Variants in ZFY observed in about 807,000 individuals in gnomAD.
The protein encoded by ZFY is zinc finger protein Y-linked.
For synonymous variants in ZFY, 47 were observed against 55.8 expected, an observed-to-expected ratio of 0.84 and a Z score of 0.71; for missense variants, 113 against 170.9, an observed-to-expected ratio of 0.66 and a Z score of 1.89.
At chrY:2,974,822 C>T (rs2051360758) in intron 3 of ZFY, among the ~76,000 whole-genome samples, 1 of 33,384 alleles carries the variant, frequency 3.0e-5, no homozygotes, top group African/African-American at 1.2e-4. Flanking sequence ...TGGTGGCATA[C>T]GCCTTTTGTC....
chrY:2,937,488 CAAAAAA>C (rs780590951), intron 1 of ZFY, among the ~76,000 whole-genome samples: 3 of 5,347 alleles, frequency 5.6e-4, no homozygotes, highest in Non-Finnish European at 7.9e-4. Flanking sequence ...GAGTCTGTCT[CAAAAAA>C]AAAAAAAAAA....
At position 2,961,577 on chromosome Y, in the gene ZFY, G is replaced by A. The variant is rs373304602; in HGVS notation, c.565G>A (p.Ala189Thr). 2.6e-4 allele frequency: 102 copies of A among 396,932 alleles called. No homozygotes were observed. Among genetic ancestry groups the A allele is most frequent in the Non-Finnish European group, 3.1e-4 (87 of 283,244 alleles). ...ADCAPEAVID[A>T]SGISVDQQDN... Reference sequence around the variant, plus strand: ...CTGTGCCCCTGAAGCAGTCATAGATGCCAGCGGGATCTCAGTGGACCAGCA... The same window carrying A: ...CTGTGCCCCTGAAGCAGTCATAGATACCAGCGGGATCTCAGTGGACCAGCA... The change falls in exon 3 of 8, where the codon GCC becomes ACC. Residue 189 changes from alanine to threonine, a missense_variant. Physicochemically the swap from Ala to Thr is moderately conservative, Grantham distance 58. Transcript: ENST00000155093.
At chrY:2,939,668 T>G in intron 1 of ZFY, among the ~76,000 whole-genome samples, 1 of 33,936 alleles carries the variant, frequency 2.9e-5, no homozygotes, top group Admixed American at 2.7e-4. Context: ...ATCTCCATCC[T>G]GATCTCTTAT....
At chrY:2,942,253 G>A (rs2051244535) in intron 1 of ZFY, among the ~76,000 whole-genome samples, 1 of 30,421 alleles carries the variant, frequency 3.3e-5, no homozygotes, top group Admixed American at 3.1e-4. Context: ...AATGTGCCTG[G>A]CTAATTTTTC....
intron 1 of ZFY, among the ~76,000 whole-genome samples, chrY:2,951,050 G>A: frequency 3.0e-5 from 1 of 33,480 alleles, no homozygotes; most frequent in African/African-American, 1.2e-4. Context: ...TATTGACCCT[G>A]CTAATGACAG....
At chrY:2,978,305 A>C in intron 7 of ZFY, among the ~76,000 whole-genome samples, 1 of 34,062 alleles carries the variant, frequency 2.9e-5, no homozygotes, top group African/African-American at 1.1e-4. Flanking sequence ...CCTAACTTTA[A>C]GTGAACGAAA....
At chrY:2,939,011 A>G in intron 1 of ZFY, among the ~76,000 whole-genome samples, 1 of 19,960 alleles carries the variant, frequency 5.0e-5, no homozygotes, top group Non-Finnish European at 1.2e-4. Context: ...ATATATATAT[A>G]TATATATATA....
chrY:2,970,066 A>G (rs2051343401), intron 3 of ZFY, among the ~76,000 whole-genome samples: 1 of 32,803 alleles, frequency 3.0e-5, no homozygotes, highest in Non-Finnish European at 7.5e-5. Flanking sequence ...GATCATCTCA[A>G]GAAAAAGCTA....
intron 2 of ZFY, among the ~76,000 whole-genome samples, chrY:2,959,068 C>T: frequency 6.0e-5 from 2 of 33,114 alleles, no homozygotes; most frequent in Admixed American, 5.5e-4. Context: ...CCAGTCTGCA[C>T]CACCCTTTCA....
At chrY:2,967,926 C>T in intron 3 of ZFY, among the ~76,000 whole-genome samples, 1 of 32,951 alleles carries the variant, frequency 3.0e-5, no homozygotes, top group Admixed American at 2.8e-4. Flanking sequence ...TATAGTCACC[C>T]ACATCAAAAT....
chrY:2,950,609 T>C (rs1026585661), intron 1 of ZFY, among the ~76,000 whole-genome samples: 1 of 33,906 alleles, frequency 2.9e-5, no homozygotes, highest in Non-Finnish European at 7.3e-5. Context: ...TACAGTGAAG[T>C]GCAAAAGAAC....
intron 3 of ZFY, among the ~76,000 whole-genome samples, chrY:2,969,237 C>T: frequency 3.0e-5 from 1 of 33,336 alleles, no homozygotes; most frequent in African/African-American, 1.2e-4. Flanking sequence ...AGATATGAAA[C>T]AGTTGCTTGC....
At chrY:2,962,971 A>T in intron 3 of ZFY, among the ~76,000 whole-genome samples, 2 of 31,234 alleles carry the variant, frequency 6.4e-5, no homozygotes, top group Admixed American at 3.0e-4. Flanking sequence ...AGAAATATCT[A>T]CTCTCATGCT....
intron 5 of ZFY, among the ~76,000 whole-genome samples, chrY:2,976,256 C>T: frequency 3.2e-5 from 1 of 30,937 alleles, no homozygotes; most frequent in African/African-American, 1.3e-4. Flanking sequence ...ACTACAGGCA[C>T]GTGCCACCAC....
At chrY:2,971,349 TACC>T (rs2051347439) in intron 3 of ZFY, among the ~76,000 whole-genome samples, 4 of 33,817 alleles carry the variant, frequency 1.2e-4, no homozygotes, top group African/African-American at 4.6e-4. Flanking sequence ...ACTTGCAGTC[TACC>T]AGAATTAAGT....
chrY:2,938,154 ATTTTTTTTTTTTT>A, intron 1 of ZFY, among the ~76,000 whole-genome samples: 16 of 2,843 alleles, frequency 5.6e-3, no homozygotes, highest in African/African-American at 0.014. Flanking sequence ...CGCCGGGCTA[ATTTTTTTTTTTTT>A]TTTTTTTTTT....
chrY:2,944,719 C>T, intron 1 of ZFY, among the ~76,000 whole-genome samples: 11 of 21,881 alleles, frequency 5.0e-4, no homozygotes, highest in Non-Finnish European at 1.0e-3. Context: ...TTTACTTGTA[C>T]GTGGAGTCTT....
At chrY:2,970,287 T>C in intron 3 of ZFY, among the ~76,000 whole-genome samples, 1 of 32,756 alleles carries the variant, frequency 3.1e-5, no homozygotes, top group Non-Finnish European at 7.5e-5. Context: ...AACTGGATCT[T>C]TCTTTTAAGA....
intron 1 of ZFY, among the ~76,000 whole-genome samples, chrY:2,948,401 A>G: frequency 2.9e-5 from 1 of 34,133 alleles, no homozygotes. Flanking sequence ...AAATGGGTGA[A>G]GTTAGAATAA....
Sources: allele counts gnomAD v4.1 joint callset (sites outside exome capture counted in the v4.1 genomes callset), GRCh38; gene constraint gnomAD v4.1.1; transcripts MANE v1.5; gene names NCBI Gene and HGNC (gene_info 2026-07-23, HGNC 2026-07-21).